The following AKT3 variants were observed in gnomAD, a reference collection of about 807,000 sequenced individuals.
The protein encoded by AKT3 is AKT serine/threonine kinase 3, also known as RAC-gamma serine/threonine-protein kinase.
Under a neutral mutation model 65.3 loss-of-function variants are expected in AKT3, and 15 were observed. The ratio of observed to expected loss-of-function variants is 0.23; its 90% CI spans 0.15 to 0.35. AKT3 has a LOEUF of 0.35. Ranked by LOEUF, AKT3 falls within the 10% of genes least tolerant of loss-of-function variation. The pLI is 1.00. For missense variants in AKT3, 243 were observed against 576.5 expected (o/e 0.42, Z 5.92); for synonymous variants, 206 against 183.8 (o/e 1.12, Z -0.98).
intron 8 of AKT3, among the ~76,000 whole-genome samples, chr1:243,582,922 C>T (rs891272195): frequency 6.6e-6 from 1 of 150,778 alleles, no homozygotes; most frequent in Non-Finnish European, 1.5e-5. Flanking sequence ...GAAAGAGCTA[C>T]CACACTAATG....
chr1:243,804,846 CAA>C (rs796068774), intron 2 of AKT3, among the ~76,000 whole-genome samples: 3 of 111,786 alleles, frequency 2.7e-5, no homozygotes, highest in Non-Finnish European at 1.9e-5. Flanking sequence ...GACTCCATCT[CAA>C]AAAAAAAAAA....
chr1:243,559,119 C>A lies in AKT3; in HGVS notation c.948+4601G>T, dbSNP rs1673595418. On this transcript the variant is annotated intron_variant, in intron 10 of 13. Coordinates refer to ENST00000673466, the MANE Select transcript of AKT3 (RefSeq NM_005465.7). The stretch of plus-strand genomic sequence containing the variant: ...TTTATAATTTCTAGGTGTGAAAATA[C>A]AGCACAGATTATAAAAACAAAATCC... Among the ~76,000 whole-genome samples, 8 of 152,040 alleles carry A rather than the reference C, an allele frequency of 5.3e-5. No homozygotes were observed. The South Asian group carries it at 1.7e-3, about 31-fold the overall frequency.
In AKT3 at chr1:243,741,115, G is replaced by A. The variant is rs966841384; in HGVS notation, c.47-45399C>T. ...TATATAACTGTATGTTCCATATATC[G>A]TCAATAAAGAACACTAACAGTATAA... is the stretch of plus-strand genomic sequence containing the variant. On this transcript the variant is annotated intron_variant, in intron 2 of 13. Coordinates refer to ENST00000673466, the MANE Select transcript of AKT3 (RefSeq NM_005465.7). Among the ~76,000 whole-genome samples, 7 of 152,118 alleles carry A rather than the reference G, an allele frequency of 4.6e-5. No individual in the cohort carries two copies. The East Asian group carries it at 5.8e-4, about 13-fold the overall frequency.
intron 2 of AKT3, among the ~76,000 whole-genome samples, chr1:243,731,990 C>G (rs1687597976): frequency 6.6e-6 from 1 of 152,170 alleles, no homozygotes; most frequent in South Asian, 2.1e-4. Context: ...CACATGCCAT[C>G]TACATTATTT....
chr1:243,833,865 G>T (rs548154957), intron 2 of AKT3, among the ~76,000 whole-genome samples: 2 of 151,780 alleles, frequency 1.3e-5, no homozygotes, highest in African/African-American at 2.4e-5. Flanking sequence ...TTTGAGACCA[G>T]CCTGGACAAC....
chr1:243,810,706 T>G (rs1278505539), intron 2 of AKT3, among the ~76,000 whole-genome samples: 5 of 152,136 alleles, frequency 3.3e-5, no homozygotes, highest in South Asian at 2.1e-4. Flanking sequence ...TACCAAAGCC[T>G]GGCAGAGACA....
At chr1:243,564,627 C>T (rs1674021248) in intron 9 of AKT3, among the ~76,000 whole-genome samples, 2 of 152,014 alleles carry the variant, frequency 1.3e-5, no homozygotes, top group South Asian at 4.2e-4. Context: ...TGTAACCAGC[C>T]AGTTCCCCTC....
chr1:243,489,133 G>A lies in AKT3; in HGVS notation c.*7-683C>T, dbSNP rs2148267381. ...CTGTCGGAAGAGGTGGACCGGCTGC[G>A]GACCCAGGTACTGTGCAGAACGCGG... On this transcript the variant is annotated intron_variant, in intron 13 of 13. Transcript: ENST00000336199. 6.2e-7 allele frequency: 1 copy of A among 1,612,264 alleles called. No homozygotes were observed. The highest frequency in any genetic ancestry group is 8.5e-7 in the Non-Finnish European group (1 of 1,179,870).
chr1:243,778,980 A>C (rs746674782), intron 2 of AKT3, among the ~76,000 whole-genome samples: 3 of 151,422 alleles, frequency 2.0e-5, no homozygotes, highest in Non-Finnish European at 2.9e-5. Flanking sequence ...ACTATGTAAT[A>C]TTCCATTGTA....
chr1:243,701,582 AAATTCATTT>A (rs1347613998), intron 2 of AKT3, among the ~76,000 whole-genome samples: 8 of 151,742 alleles, frequency 5.3e-5, no homozygotes, highest in Non-Finnish European at 1.2e-4. Flanking sequence ...AATTCATTTG[AAATTCATTT>A]AGTTCATTTA....
intron 2 of AKT3, among the ~76,000 whole-genome samples, chr1:243,769,247 C>T (rs986679305): frequency 6.6e-6 from 1 of 152,086 alleles, no homozygotes; most frequent in Non-Finnish European, 1.5e-5. Context: ...GTTTGGGAGG[C>T]AATTACGAAT....
intron 2 of AKT3, among the ~76,000 whole-genome samples, chr1:243,807,697 G>T (rs1266556513): frequency 5.3e-5 from 8 of 152,202 alleles, no homozygotes; most frequent in Admixed American, 4.6e-4. Context: ...GGTTCTCCCA[G>T]CACAGAGCTT....
intron 7 of AKT3, among the ~76,000 whole-genome samples, chr1:243,614,876 T>G (rs1678181309): frequency 6.6e-6 from 1 of 152,030 alleles, no homozygotes; most frequent in Admixed American, 6.6e-5. Flanking sequence ...GAAAAAAAAT[T>G]CTCAAAAAAG....
intron 1 of AKT3, among the ~76,000 whole-genome samples, chr1:243,848,830 A>G (rs529941625): frequency 6.6e-6 from 1 of 152,374 alleles, no homozygotes; most frequent in Non-Finnish European, 1.5e-5. Context: ...TCTATTTGGA[A>G]ACTTCATCAA....
chr1:243,803,683 CACACACACAT>C (rs1337151185), intron 2 of AKT3, among the ~76,000 whole-genome samples: 48 of 141,852 alleles, frequency 3.4e-4, no homozygotes, highest in African/African-American at 1.0e-3. Context: ...CACACACACA[CACACACACAT>C]AAGACTGAAA....
chr1:243,730,500 G>C (rs1182821315), intron 2 of AKT3, among the ~76,000 whole-genome samples: 1 of 152,220 alleles, frequency 6.6e-6, no homozygotes, highest in Non-Finnish European at 1.5e-5. Flanking sequence ...GACTGCAGGA[G>C]TGAAAAGCAG....
Position 243,499,857 on chromosome 1 carries a change from G to C in AKT3, c.*5392C>G. ...CATTCATCTGGTTTAGACTTAATAT[G>C]CCACAACGCACCACGACCTTCCCAG... On this transcript the variant is annotated 3_prime_UTR_variant, in exon 14 of 14. Transcript: ENST00000673466. The C allele has an allele frequency of 6.9e-7, 1 of 1,452,972 alleles. No individual in the cohort carries two copies. The highest frequency in any genetic ancestry group is 1.4e-5 in the African/African-American group (1 of 71,494). 90.0% of individuals were successfully genotyped at this position (1,452,972 alleles called of 1,614,324 possible). A position where few individuals can be genotyped will look rare whatever the true frequency, so the allele number is the denominator to read the frequency against.
intron 3 of AKT3, 148 bp downstream of exon 3, chr1:243,695,443 G>A (rs566273333): frequency 1.7e-6 from 1 of 596,532 alleles, no homozygotes; most frequent in African/African-American, 1.9e-5. Context: ...TATGCTAAGG[G>A]ACTGAAATTC....
intron 12 of AKT3, among the ~76,000 whole-genome samples, chr1:243,533,139 T>C (rs369306818): frequency 6.6e-6 from 1 of 152,236 alleles, no homozygotes; most frequent in African/African-American, 2.4e-5. Context: ...CAATTATCGA[T>C]TTCATTTATT....
Sources: allele counts gnomAD v4.1 joint callset (sites outside exome capture counted in the v4.1 genomes callset), GRCh38; gene constraint gnomAD v4.1.1; transcripts MANE v1.5; gene names NCBI Gene and HGNC (gene_info 2026-07-23, HGNC 2026-07-21).